Variants in SGIP1 observed in about 807,000 individuals in gnomAD.
The protein encoded by SGIP1 is SH3-containing GRB2-like protein 3-interacting protein 1.
SGIP1 carries 38 observed loss-of-function variants against 107.5 expected under a neutral mutation model. That is an observed-to-expected ratio of 0.35 (90% CI 0.27 to 0.46). The LOEUF (loss-of-function observed/expected upper bound fraction) is 0.46. SGIP1 is among the 20% of genes least tolerant of loss of function. The pLI, the probability that SGIP1 is intolerant of heterozygous loss-of-function variation, is 1.00. For synonymous variants in SGIP1, 365 were observed against 366.1 expected (o/e 1.00, Z 0.03); for missense variants, 929 against 1,019.5 (o/e 0.91, Z 1.21).
chr1:66,621,143 A>C (rs377387479), intron 1 of SGIP1, among the ~76,000 whole-genome samples: 12 of 152,332 alleles, frequency 7.9e-5, no homozygotes, highest in African/African-American at 2.9e-4. Flanking sequence ...AGCTTTTTGC[A>C]AACTTCTGAT....
chr1:66,695,790 G>C (rs1406340325), intron 18 of SGIP1, among the ~76,000 whole-genome samples: 2 of 151,918 alleles, frequency 1.3e-5, no homozygotes, highest in African/African-American at 4.8e-5. Context: ...ACCTTTTTTG[G>C]CCAAGGAACT....
intron 21 of SGIP1, among the ~76,000 whole-genome samples, chr1:66,736,294 T>C (rs981355940): frequency 6.8e-6 from 1 of 146,500 alleles, no homozygotes; most frequent in African/African-American, 2.5e-5. Context: ...TAAAATATTA[T>C]ATAAAATATG....
chr1:66,625,959 G>C, intron 2 of SGIP1, 49 bp downstream of exon 2: 1 of 1,482,634 alleles, frequency 6.7e-7, no homozygotes, highest in Non-Finnish European at 9.4e-7. Flanking sequence ...TTGCATAAGA[G>C]ATGCTCTTAT....
intron 2 of SGIP1, 51 bp from the exon 3 acceptor site, chr1:66,633,019 T>A: frequency 8.3e-7 from 1 of 1,201,680 alleles, no homozygotes; most frequent in Non-Finnish European, 1.2e-6. Flanking sequence ...TTAGTCTATG[T>A]GGCAAGAATG....
rs1295800323 is a variant in SGIP1, at chr1:66,725,028, G to T, written c.1743-4236G>T. On this transcript the variant is annotated intron_variant, in intron 19 of 24. Coordinates refer to ENST00000371037, the MANE Select transcript of SGIP1 (RefSeq NM_032291.4). ...GAAATCAAGGTTCAGAACCAATTTG[G>T]CACTAGTATACAAACAGGGTTAATG... is the stretch of plus-strand genomic sequence containing the variant. Among the ~76,000 whole-genome samples, 4 of 152,134 alleles carry T rather than the reference G, an allele frequency of 2.6e-5. No homozygotes were observed. In the East Asian group the frequency reaches 7.7e-4, roughly 29 times the overall value.
chr1:66,708,334 T>C (rs2092670754), intron 18 of SGIP1, among the ~76,000 whole-genome samples: 1 of 152,204 alleles, frequency 6.6e-6, no homozygotes, highest in Non-Finnish European at 1.5e-5. Flanking sequence ...ATATTCTTCA[T>C]AGTGCCATGC....
intron 1 of SGIP1, among the ~76,000 whole-genome samples, chr1:66,542,920 C>T (rs1416265961): frequency 2.0e-5 from 3 of 152,186 alleles, no homozygotes; most frequent in East Asian, 1.9e-4. Flanking sequence ...TGTATAACGG[C>T]GTAACTGGAA....
chr1:66,584,713 T>G (rs539736869), intron 1 of SGIP1, among the ~76,000 whole-genome samples: 1 of 152,288 alleles, frequency 6.6e-6, no homozygotes, highest in Non-Finnish European at 1.5e-5. Flanking sequence ...CTATGTTTAA[T>G]TAACAGAGAA....
chr1:66,664,871 T>A (rs983596633), intron 8 of SGIP1, among the ~76,000 whole-genome samples: 1 of 152,200 alleles, frequency 6.6e-6, no homozygotes, highest in African/African-American at 2.4e-5. Flanking sequence ...GAGGCAGAGC[T>A]ATTAGAGATT....
intron 4 of SGIP1, among the ~76,000 whole-genome samples, chr1:66,639,344 G>A (rs2076355090): frequency 6.6e-6 from 1 of 152,126 alleles, no homozygotes; most frequent in South Asian, 2.1e-4. Context: ...TTAATGACTT[G>A]GATGAGTACT....
chr1:66,745,950 C>A lies in SGIP1; in HGVS notation c.*2855C>A, dbSNP rs1415212332. Reference sequence around the variant, plus strand: ...TTTTAAAGCTGTGTTCTTCTCTACACCCACAGCCAAAATGGAAATTCACTG... The same window carrying A: ...TTTTAAAGCTGTGTTCTTCTCTACAACCACAGCCAAAATGGAAATTCACTG... On this transcript the variant is annotated 3_prime_UTR_variant, in exon 25 of 25. Coordinates refer to ENST00000371037, the MANE Select transcript of SGIP1 (RefSeq NM_032291.4). 2 of 152,044 alleles carry A rather than the reference C, an allele frequency of 1.3e-5. No individual in the cohort carries two copies. Among genetic ancestry groups the A allele is most frequent in the Non-Finnish European group, 2.9e-5 (2 of 67,980 alleles). The allele number at this position is 152,044 out of a possible 1,614,324, so 9.4% of individuals were successfully genotyped here.
At chr1:66,678,702 A>C (rs190878443) in intron 13 of SGIP1, among the ~76,000 whole-genome samples, 1 of 152,318 alleles carries the variant, frequency 6.6e-6, no homozygotes, top group Admixed American at 6.5e-5. Flanking sequence ...ACCTAAAAAT[A>C]ATAAATAAAG....
At chr1:66,675,228 T>A (rs1426022225) in intron 12 of SGIP1, among the ~76,000 whole-genome samples, 3 of 152,212 alleles carry the variant, frequency 2.0e-5, no homozygotes, top group Non-Finnish European at 4.4e-5. Flanking sequence ...GTGTTCCACA[T>A]GGAATTCATG....
At chr1:66,716,979 AG>A (rs1262811781) in intron 18 of SGIP1, among the ~76,000 whole-genome samples, 6 of 151,864 alleles carry the variant, frequency 4.0e-5, no homozygotes, top group Non-Finnish European at 7.4e-5. Flanking sequence ...CGTACATAGA[AG>A]GTGGACCTCC....
intron 2 of SGIP1, among the ~76,000 whole-genome samples, chr1:66,631,653 CTCTCTCTCTCTCTT>C (rs1380931154): frequency 1.2e-3 from 175 of 149,300 alleles, no homozygotes; most frequent in African/African-American, 3.8e-3. Flanking sequence ...CTCTGCATTG[CTCTCTCTCTCTCTT>C]TCTCTCTCTC....
intron 18 of SGIP1, among the ~76,000 whole-genome samples, chr1:66,715,913 T>C (rs541277219): frequency 2.0e-5 from 3 of 152,282 alleles, no homozygotes; most frequent in South Asian, 2.1e-4. Context: ...TTAGCACTTT[T>C]AATGAATCTG....
At position 66,681,974 on chromosome 1, in the gene SGIP1, A is replaced by G. The variant is rs1359028642; in HGVS notation, c.920A>G (p.Asn307Ser). ...PVLSPKSVAV[N>S]AEEKWVHFSD... ...TTGTCCCCCAAGTCTGTTGCTGTTA[A>G]TGCTGAAGAAAAGTGGGTCCATTTT... The change falls in exon 15 of 25, where the codon AAT becomes AGT. Residue 307 changes from asparagine (N) to serine (S), a missense_variant. Transcript: ENST00000371037. 1 of 1,614,100 alleles carries G rather than the reference A, an allele frequency of 6.2e-7. No individual in the cohort carries two copies. Among genetic ancestry groups the G allele is most frequent in the African/African-American group, 1.3e-5 (1 of 74,942 alleles).
chr1:66,701,636 C>T (rs749680315), intron 18 of SGIP1, among the ~76,000 whole-genome samples: 2 of 152,116 alleles, frequency 1.3e-5, no homozygotes, highest in Admixed American at 6.5e-5. Context: ...GCAGTTCTGC[C>T]GAGGATTTCA....
chr1:66,609,055 T>C (rs2067416298), intron 1 of SGIP1, among the ~76,000 whole-genome samples: 1 of 70,222 alleles, frequency 1.4e-5, no homozygotes, highest in Admixed American at 1.8e-4. Flanking sequence ...CTTTTGACAC[T>C]TGAGCCTTTG....
Sources: gnomAD v4.1 joint callset for allele counts (sites outside exome capture counted in the v4.1 genomes callset) on GRCh38, gnomAD v4.1.1 for gene constraint, MANE v1.5 for transcripts, NCBI Gene and HGNC (gene_info 2026-07-23, HGNC 2026-07-21) for gene names.